KIAA2013: variants seen among roughly 807,000 people sequenced by gnomAD.
KIAA2013 encodes KIAA2013, also known as uncharacterized protein KIAA2013.
A neutral mutation model predicts 39.9 loss-of-function variants in KIAA2013; 20 were observed. That is an observed-to-expected ratio of 0.50 (90% CI 0.35 to 0.73). KIAA2013 has a LOEUF of 0.73. KIAA2013 is among the 30% of genes least tolerant of loss of function. The pLI, the probability that KIAA2013 is intolerant of heterozygous loss-of-function variation, is 0.01. For synonymous variants in KIAA2013, 336 were observed against 416.6 expected (o/e 0.81, Z 2.35); for missense variants, 587 against 856.1 (o/e 0.69, Z 3.92).
At position 11,920,234 on chromosome 1, in the gene KIAA2013, G is replaced by C; in HGVS notation, c.*81C>G. 6.7e-7 allele frequency: 1 copy of C among 1,497,662 alleles called. No individual in the cohort carries two copies. Among genetic ancestry groups the C allele is most frequent in the South Asian group, 1.1e-5 (1 of 88,758 alleles). 92.8% of individuals were successfully genotyped at this position (1,497,662 alleles called of 1,614,324 possible). The stretch of plus-strand genomic sequence containing the variant: ...GCACAAAGGGCGGGTGCTTCCAAAG[G>C]ATCCCTTGCTCCTGGCAGCGGGACT... On this transcript the variant is annotated 3_prime_UTR_variant, in exon 3 of 3. Coordinates refer to ENST00000376572, the MANE Select transcript of KIAA2013 (RefSeq NM_138346.3).
At chr1:11,924,606 A>C (rs1645494345) in intron 1 of KIAA2013, among the ~76,000 whole-genome samples, 1 of 152,154 alleles carries the variant, frequency 6.6e-6, no homozygotes, top group African/African-American at 2.4e-5. Flanking sequence ...ACAAAGGTTC[A>C]GACAATTGGA....
chr1:11,922,398 G>T, intron 2 of KIAA2013: 1 of 1,440,654 alleles, frequency 6.9e-7, no homozygotes, highest in Non-Finnish European at 9.1e-7. Flanking sequence ...CGGGAGGAGG[G>T]GAGGGCTGCC....
At chr1:11,922,544 C>T (rs1177404068) in intron 2 of KIAA2013, 92 bp downstream of exon 2, 4 of 1,560,980 alleles carry the variant, frequency 2.6e-6, no homozygotes, top group East Asian at 4.7e-5. Context: ...CTGCCCAGGC[C>T]TCACCCCCCC....
Position 11,923,064 on chromosome 1 carries a change from G to A in KIAA2013, c.1459C>T (p.Arg487Cys), listed in dbSNP as rs538252679. Reference protein sequence around the residue: ...LHNSYALHGIRYKNDHINLAV... With the variant: ...LHNSYALHGICYKNDHINLAV... ...AGGTTGATATGGTCGTTCTTGTAGC[G>A]GATGCCATGCAATGCATAGCTGTTG... Residue 487 changes from arginine (R) to cysteine (C), a missense_variant, in exon 2 of 3, where the codon CGC (arginine) becomes TGC (cysteine). Physicochemically the swap from Arg to Cys is radical, Grantham distance 180. Transcript: ENST00000376572. The surrounding 1 kb of genome is among the most constrained non-coding windows in gnomAD (Gnocchi z 4.6). The A allele has an allele frequency of 2.6e-5, 42 of 1,610,960 alleles. No individual in the cohort carries two copies. The highest frequency in any genetic ancestry group is 1.3e-4 in the South Asian group (12 of 91,018).
rs752337783 is a variant in KIAA2013, at chr1:11,920,330, T to G, written c.1890A>C (p.Glu630Asp). The G allele has an allele frequency of 6.2e-6, 10 of 1,614,154 alleles. No individual in the cohort carries two copies. In the East Asian group the frequency reaches 2.2e-4, roughly 36 times the overall value. ...GTTAGTTCACTCAGACACTGGGATC[T>G]TCCTGTTCAATTCACAAAACAAGTG... is the stretch of plus-strand genomic sequence containing the variant. ...PGAKPLFRSK[E>D]DPSV The change falls in exon 3 of 3, where the codon GAA becomes GAC. Residue 630 changes from glutamate (E) to aspartate (D), a missense_variant and splice_region_variant. Glu to Asp is a conservative substitution (Grantham distance 45, BLOSUM62 2). Transcript: ENST00000376572.
intron 2 of KIAA2013, among the ~76,000 whole-genome samples, chr1:11,921,082 C>CGG (rs34556195): frequency 0.13 from 19,669 of 151,816 alleles, 1,663 homozygotes; most frequent in African/African-American, 0.24. Context: ...GGGGAGGAGA[C>CGG]GGGATACAGG....
rs1182359702 is a variant in KIAA2013, at chr1:11,922,755, G to A, written c.1768C>T (p.Leu590=). The part of the protein sequence containing the change: ...DEHMAQQDPG[L]PFLFWFSVAS... ...ACGCTGAACCAGAAGAGGAAGGGCAGCCCGGGGTCCTGCTGGGCCATGTGC... is the reference window on the plus strand; with the variant it reads ...ACGCTGAACCAGAAGAGGAAGGGCAACCCGGGGTCCTGCTGGGCCATGTGC... The change falls in exon 2 of 3, where the codon CTG becomes TTG. Residue 590 remains leucine (L), a synonymous_variant. Coordinates refer to ENST00000376572, the MANE Select transcript of KIAA2013 (RefSeq NM_138346.3). 6.2e-7 allele frequency: 1 copy of A among 1,613,934 alleles called. No individual in the cohort carries two copies. Among genetic ancestry groups the A allele is most frequent in the Non-Finnish European group, 8.5e-7 (1 of 1,179,984 alleles).
In KIAA2013 at chr1:11,922,903, G is replaced by A. The variant is rs542964617; in HGVS notation, c.1620C>T (p.Gly540=). 1 of 1,611,732 alleles carries A rather than the reference G, an allele frequency of 6.2e-7. No individual in the cohort carries two copies. The highest frequency in any genetic ancestry group is 1.3e-5 in the African/African-American group (1 of 75,026). ...EPVELTSAPT[G]HTFSVMVTQP... The stretch of plus-strand genomic sequence containing the variant: ...GTGTCACCATGACCGAGAAGGTGTG[G>A]CCCGTGGGCGCCGAGGTCAGCTCCA... Residue 540 remains glycine (G), a synonymous_variant, in exon 2 of 3, where the codon GGC becomes GGT. Transcript: ENST00000376572.
chr1:11,920,659 C>G (rs1281139918), intron 2 of KIAA2013, among the ~76,000 whole-genome samples: 1 of 152,240 alleles, frequency 6.6e-6, no homozygotes, highest in Non-Finnish European at 1.5e-5. Context: ...CAGGGAAAAG[C>G]AGCCGCCTGC....
Position 11,923,158 on chromosome 1 carries a change from C to T in KIAA2013, c.1365G>A (p.Val455=). The T allele has an allele frequency of 2.5e-6, 4 of 1,613,254 alleles. No homozygotes were observed. The highest frequency in any genetic ancestry group is 3.4e-6 in the Non-Finnish European group (4 of 1,179,580). The change falls in exon 2 of 3, where the codon GTG becomes GTA. Residue 455 remains valine (V), a synonymous_variant. Transcript: ENST00000376572. This position sits in a 1 kb window ranked among gnomAD's most constrained non-coding sequence, Gnocchi z 4.6. The part of the protein sequence containing the change: ...VGAPGILQGM[V]LSFGGLQFTE... ...TGAACTGCAGCCCCCCAAAGCTGAG[C>T]ACCATCCCCTGCAGGATGCCTGGGG...
intron 1 of KIAA2013, among the ~76,000 whole-genome samples, chr1:11,924,192 G>A (rs1400208324): frequency 1.3e-5 from 2 of 151,560 alleles, no homozygotes; most frequent in Admixed American, 6.6e-5. Flanking sequence ...CGCCGGGCGC[G>A]GTGGCTCACG....
chr1:11,923,339 T>A lies in KIAA2013; in HGVS notation c.1184A>T (p.Asn395Ile). 6.2e-7 allele frequency: 1 copy of A among 1,613,868 alleles called. No individual in the cohort carries two copies. Among genetic ancestry groups the A allele is most frequent in the Non-Finnish European group, 8.5e-7 (1 of 1,180,024 alleles). Residue 395 changes from asparagine to isoleucine, a missense_variant, in exon 2 of 3, where the codon AAC becomes ATC. Coordinates refer to ENST00000376572, the MANE Select transcript of KIAA2013 (RefSeq NM_138346.3). The surrounding 1 kb of genome is among the most constrained non-coding windows in gnomAD (Gnocchi z 4.6). ...CCCGCTGAAGCAGTGATCTTCATAG[T>A]TGAGCGTCGACTCCATCTGGTCTCG... The part of the protein sequence containing the change: ...RERDQMESTL[N>I]YEDHCFSGHA...
At chr1:11,924,157 G>C (rs1255834587) in intron 1 of KIAA2013, among the ~76,000 whole-genome samples, 1 of 152,024 alleles carries the variant, frequency 6.6e-6, no homozygotes, top group Non-Finnish European at 1.5e-5. Flanking sequence ...ACACAACTTT[G>C]TTTCTGTGAA....
rs1210644201 is a variant in KIAA2013, at chr1:11,925,569, G to C, written c.669C>G (p.Pro223=). The change falls in exon 1 of 3, where the codon CCC becomes CCG. Residue 223 remains proline, a synonymous_variant. Transcript: ENST00000376572. This position sits in a 1 kb window ranked among gnomAD's most constrained non-coding sequence, Gnocchi z 5.2. Reference sequence around the variant, plus strand: ...AGGCCTTGGGGGCTGGGCCGGCAGTGGGCCCCACAGTCTGCAGCGCGGCCA... The same window carrying C: ...AGGCCTTGGGGGCTGGGCCGGCAGTCGGCCCCACAGTCTGCAGCGCGGCCA... The part of the protein sequence containing the change: ...ERVAALQTVG[P]TAGPAPKAFT... 1.2e-6 allele frequency: 2 copies of C among 1,608,284 alleles called. No individual in the cohort carries two copies. Among genetic ancestry groups the C allele is most frequent in the African/African-American group, 2.7e-5 (2 of 74,976 alleles).
rs762801352 is a variant in KIAA2013, at chr1:11,925,954, T to C, written c.284A>G (p.Asn95Ser). 1.9e-5 allele frequency: 29 copies of C among 1,540,272 alleles called. No homozygotes were observed. The highest frequency in any genetic ancestry group is 1.4e-5 in the African/African-American group (1 of 71,588). Residue 95 changes from asparagine to serine, a missense_variant, in exon 1 of 3, where the codon AAC becomes AGC. Physicochemically the swap from Asn to Ser is conservative, Grantham distance 46. Coordinates refer to ENST00000376572, the MANE Select transcript of KIAA2013 (RefSeq NM_138346.3). The surrounding 1 kb of genome is among the most constrained non-coding windows in gnomAD (Gnocchi z 5.2). The stretch of plus-strand genomic sequence containing the variant: ...AGCCACGTCCAGGGCCAGGAAGCCG[T>C]TGGCCACCAGGGCCGGCACTCCAGG... ...LGPGVPALVA[N>S]GFLALDVAAN...
Position 11,922,389 on chromosome 1 carries a change from G to A in KIAA2013, c.1887+247C>T, listed in dbSNP as rs180787732. ...TTTTAAATGCTGAGATTTATGATGCGGGAGGAGGGGAGGGCTGCCCTGGAA... is the reference window on the plus strand; with the variant it reads ...TTTTAAATGCTGAGATTTATGATGCAGGAGGAGGGGAGGGCTGCCCTGGAA... On this transcript the variant is annotated intron_variant, in intron 2 of 2. Transcript: ENST00000376572. 344 of 1,437,328 alleles carry A rather than the reference G, an allele frequency of 2.4e-4. No individual in the cohort carries two copies. In the African/African-American group the frequency reaches 4.0e-3, roughly 17 times the overall value. 89.0% of individuals were successfully genotyped at this position (1,437,328 alleles called of 1,614,324 possible). A position where few individuals can be genotyped will look rare whatever the true frequency, so the allele number is the denominator to read the frequency against.
In KIAA2013 at chr1:11,925,844, TCAGCGGGCG is replaced by T. The variant is rs1484701415; in HGVS notation, c.385_393del (p.Arg129_Leu131del). On this transcript the variant is annotated inframe_deletion, in exon 1 of 3. Transcript: ENST00000376572. This position sits in a 1 kb window ranked among gnomAD's most constrained non-coding sequence, Gnocchi z 5.2. ...GCCTCTCCAGCTTCAGCCAGCGCGC[TCAGCGGGCG>T]CAGCTGCACGAAGGGCACAAAGTCC... The T allele has an allele frequency of 6.5e-7, 1 of 1,533,116 alleles. No individual in the cohort carries two copies. The highest frequency in any genetic ancestry group is 1.4e-5 in the African/African-American group (1 of 71,688). The allele number at this position is 1,533,116 out of a possible 1,614,324, so 95.0% of individuals were successfully genotyped here. A position where few individuals can be genotyped will look rare whatever the true frequency, so the allele number is the denominator to read the frequency against.
chr1:11,922,542 GC>G (rs1426926320), intron 2 of KIAA2013, 93 bp downstream of exon 2: 1 of 1,560,016 alleles, frequency 6.4e-7, no homozygotes, highest in Admixed American at 1.9e-5. Context: ...TCCTGCCCAG[GC>G]CTCACCCCCC....
At position 11,920,156 on chromosome 1, in the gene KIAA2013, C is replaced by T. The variant is rs1645466184; in HGVS notation, c.*159G>A. 2.6e-6 allele frequency: 2 copies of T among 780,590 alleles called. No individual in the cohort carries two copies. Among genetic ancestry groups the T allele is most frequent in the South Asian group, 3.0e-5 (2 of 66,560 alleles). The allele number at this position is 780,590 out of a possible 1,614,324, so 48.4% of individuals were successfully genotyped here. On this transcript the variant is annotated 3_prime_UTR_variant, in exon 3 of 3. Coordinates refer to ENST00000376572, the MANE Select transcript of KIAA2013 (RefSeq NM_138346.3). The stretch of plus-strand genomic sequence containing the variant: ...CACGTGACACTCATTCCTTCCAATG[C>T]AAACTCTGGTGTATCCACACTCACT...
Sources: allele counts gnomAD v4.1 joint callset (sites outside exome capture counted in the v4.1 genomes callset), GRCh38; gene constraint gnomAD v4.1.1; non-coding constraint Gnocchi (gnomAD v3.1); transcripts MANE v1.5; gene names NCBI Gene and HGNC (gene_info 2026-07-23, HGNC 2026-07-21).